The following PLPP1 variants were observed in gnomAD, a reference collection of about 807,000 sequenced individuals.
PLPP1 encodes lipid phosphate phosphohydrolase 1a.
PLPP1 carries 24 observed loss-of-function variants against 31.2 expected under a neutral mutation model. The observed-to-expected ratio is 0.77, with a 90% CI of 0.56 to 1.08. The LOEUF (loss-of-function observed/expected upper bound fraction) is 1.08, where lower values mean the gene tolerates loss of function less well. PLPP1 is among the 50% of genes least tolerant of loss of function. PLPP1 has a pLI of 0.00. For synonymous variants in PLPP1, 146 were observed against 126.3 expected, an observed-to-expected ratio of 1.16 and a Z score of -1.05; for missense variants, 319 against 342.7, an observed-to-expected ratio of 0.93 and a Z score of 0.55.
At chr5:55,503,125 G>A (rs1470556295) in intron 1 of PLPP1, among the ~76,000 whole-genome samples, 5 of 152,196 alleles carry the variant, frequency 3.3e-5, no homozygotes, top group African/African-American at 1.2e-4. Context: ...CTCCACTGCA[G>A]CTACCAACTG....
chr5:55,493,697 C>T (rs958566586), intron 1 of PLPP1, among the ~76,000 whole-genome samples: 1 of 151,992 alleles, frequency 6.6e-6, no homozygotes, highest in Admixed American at 6.6e-5. Context: ...ACCATCCTGG[C>T]TAACACAGTG....
At chr5:55,515,913 A>T (rs562346709) in intron 1 of PLPP1, among the ~76,000 whole-genome samples, 18 of 152,268 alleles carry the variant, frequency 1.2e-4, no homozygotes, top group African/African-American at 4.3e-4. Flanking sequence ...TGAGCTCTAG[A>T]ACCATTATCC....
At chr5:55,504,524 CAAAAAAAA>C (rs70995703) in intron 1 of PLPP1, among the ~76,000 whole-genome samples, 1 of 54,286 alleles carries the variant, frequency 1.8e-5, no homozygotes, top group African/African-American at 8.1e-5. Flanking sequence ...GACTCCATCT[CAAAAAAAA>C]AAAAAAAAAA....
At chr5:55,439,656 C>A (rs1365509299) in intron 4 of PLPP1, among the ~76,000 whole-genome samples, 1 of 152,078 alleles carries the variant, frequency 6.6e-6, no homozygotes, top group African/African-American at 2.4e-5. Context: ...CCACTGAGGC[C>A]CTCTATTATA....
At chr5:55,463,143 A>G (rs554148055) in intron 3 of PLPP1, among the ~76,000 whole-genome samples, 135 of 152,110 alleles carry the variant, frequency 8.9e-4, no homozygotes, top group Non-Finnish European at 1.4e-3. Context: ...ATGAGAACAC[A>G]TGGACAGAGG....
At chr5:55,506,613 T>C (rs902317480) in intron 1 of PLPP1, among the ~76,000 whole-genome samples, 8 of 152,176 alleles carry the variant, frequency 5.3e-5, no homozygotes, top group Admixed American at 5.2e-4. Context: ...ATAAACAGTG[T>C]GGGAGTTGCT....
At chr5:55,463,913 T>C (rs1268243523) in intron 3 of PLPP1, among the ~76,000 whole-genome samples, 1 of 151,752 alleles carries the variant, frequency 6.6e-6, no homozygotes, top group Non-Finnish European at 1.5e-5. Flanking sequence ...TTATTCAGAA[T>C]ATATAAAGAA....
chr5:55,501,490 T>C (rs758612576), intron 1 of PLPP1, among the ~76,000 whole-genome samples: 1 of 152,152 alleles, frequency 6.6e-6, no homozygotes. Context: ...TAAAAATGTA[T>C]GAAACAAAGC....
chr5:55,467,676 C>T (rs1316393510), intron 3 of PLPP1, among the ~76,000 whole-genome samples, 193 bp downstream of exon 3: 1 of 151,886 alleles, frequency 6.6e-6, no homozygotes, highest in Non-Finnish European at 1.5e-5. Flanking sequence ...CAATAAAACA[C>T]TTTTAAATGG....
chr5:55,444,365 G>A (rs896739651), intron 3 of PLPP1, among the ~76,000 whole-genome samples: 3 of 152,186 alleles, frequency 2.0e-5, no homozygotes, highest in South Asian at 2.1e-4. Context: ...ACAAGCGTGA[G>A]CCACCGCGCC....
At chr5:55,441,758 G>T in intron 4 of PLPP1, 93 bp downstream of exon 4, 1 of 1,318,540 alleles carries the variant, frequency 7.6e-7, no homozygotes, top group Non-Finnish European at 1.1e-6. Flanking sequence ...TTTGCTACTG[G>T]CTAATTTATT....
intron 1 of PLPP1, among the ~76,000 whole-genome samples, chr5:55,514,778 C>T (rs1753520580): frequency 6.6e-6 from 1 of 152,104 alleles, no homozygotes; most frequent in Non-Finnish European, 1.5e-5. Flanking sequence ...ATTTCCATTT[C>T]CCCAGAAATG....
At chr5:55,430,507 G>A (rs898836640) in intron 4 of PLPP1, among the ~76,000 whole-genome samples, 1 of 152,140 alleles carries the variant, frequency 6.6e-6, no homozygotes, top group Non-Finnish European at 1.5e-5. Context: ...AAATCATACT[G>A]AGACTACACT....
Position 55,491,824 on chromosome 5 carries a change from C to T in PLPP1, c.59-16374G>A, listed in dbSNP as rs1346824994. On this transcript the variant is annotated intron_variant, in intron 1 of 5. Coordinates refer to ENST00000307259, the MANE Select transcript of PLPP1 (RefSeq NM_003711.4). Reference sequence around the variant, plus strand: ...AGTGAGTCAAGATTGTGCCACTGCACTCCAGCCTGGCCAACAGAGCAAGAC... The same window carrying T: ...AGTGAGTCAAGATTGTGCCACTGCATTCCAGCCTGGCCAACAGAGCAAGAC... Among the ~76,000 whole-genome samples the T allele has an allele frequency of 2.1e-5, 3 of 145,820 alleles. No homozygotes were observed. In the Admixed American group the frequency reaches 2.1e-4, roughly 10 times the overall value.
At chr5:55,509,992 A>G (rs1753370347) in intron 1 of PLPP1, among the ~76,000 whole-genome samples, 1 of 152,172 alleles carries the variant, frequency 6.6e-6, no homozygotes, top group Admixed American at 6.5e-5. Flanking sequence ...GAGATAACTG[A>G]GGTAAAGGGT....
chr5:55,459,604 T>C (rs1020834292), intron 3 of PLPP1, among the ~76,000 whole-genome samples: 8 of 152,200 alleles, frequency 5.3e-5, no homozygotes, highest in African/African-American at 1.7e-4. Context: ...GTATGTTCTC[T>C]AAACACAATG....
At chr5:55,513,267 C>G (rs1005044917) in intron 1 of PLPP1, among the ~76,000 whole-genome samples, 15 of 29,076 alleles carry the variant, frequency 5.2e-4, no homozygotes, top group Non-Finnish European at 1.3e-3. Context: ...TATAATGACT[C>G]CTTTTTTTTT....
chr5:55,507,322 A>G (rs1561251085), intron 1 of PLPP1, among the ~76,000 whole-genome samples: 1 of 152,200 alleles, frequency 6.6e-6, no homozygotes, highest in Non-Finnish European at 1.5e-5. Context: ...AAGAATACAG[A>G]CTGAAGATGA....
chr5:55,450,865 G>A lies in PLPP1; in HGVS notation c.492-8957C>T, dbSNP rs188948924. On this transcript the variant is annotated intron_variant, in intron 3 of 5. Transcript: ENST00000307259. ...CCTTTGTAAAAACACTGAACAAGAA[G>A]ACTCCCTTGCTAAAAGGTAAATTCT... Among the ~76,000 whole-genome samples, 1,021 of 152,200 alleles carry A rather than the reference G, an allele frequency of 6.7e-3. 8 individuals carry two copies. The highest frequency in any genetic ancestry group is 0.022 in the African/African-American group (932 of 41,502).
Sources: gnomAD v4.1 joint callset for allele counts (sites outside exome capture counted in the v4.1 genomes callset) on GRCh38, gnomAD v4.1.1 for gene constraint, MANE v1.5 for transcripts, NCBI Gene and HGNC (gene_info 2026-07-23, HGNC 2026-07-21) for gene names.